AKAP6: variants seen among roughly 807,000 people sequenced by gnomAD.
AKAP6 encodes the protein A-kinase anchoring protein 6.
A neutral mutation model predicts 188.5 loss-of-function variants in AKAP6; 58 were observed. That is an observed-to-expected ratio of 0.31 (90% CI 0.25 to 0.38). The LOEUF is 0.38. AKAP6 is among the 10% of genes least tolerant of loss of function. The pLI is 1.00. For missense variants in AKAP6, 2,710 were observed against 2,740.0 expected, an observed-to-expected ratio of 0.99 and a Z score of 0.24; for synonymous variants, 989 against 998.6, an observed-to-expected ratio of 0.99 and a Z score of 0.18.
intron 5 of AKAP6, among the ~76,000 whole-genome samples, chr14:32,584,150 A>G (rs893548355): frequency 6.6e-6 from 1 of 152,208 alleles, no homozygotes; most frequent in African/African-American, 2.4e-5. Context: ...TTTAAAGTAC[A>G]GTGGTCCCTC....
intron 5 of AKAP6, among the ~76,000 whole-genome samples, chr14:32,596,005 A>G (rs1179949288): frequency 6.6e-6 from 1 of 152,178 alleles, no homozygotes; most frequent in African/African-American, 2.4e-5. Context: ...TTAGACCAGA[A>G]AAGACTCTCT....
intron 11 of AKAP6, 93 bp from the exon 12 acceptor site, chr14:32,773,585 T>C (rs924959744): frequency 4.1e-6 from 5 of 1,229,882 alleles, no homozygotes; most frequent in Admixed American, 4.3e-5. Context: ...AGTGTATCAC[T>C]ACAATTTGAA....
chr14:32,520,423 A>T (rs536044018), intron 2 of AKAP6, among the ~76,000 whole-genome samples: 1 of 152,282 alleles, frequency 6.6e-6, no homozygotes, highest in African/African-American at 2.4e-5. Flanking sequence ...TTTTTTGAAA[A>T]GATCAACAAA....
At position 32,373,791 on chromosome 14, in the gene AKAP6, G is replaced by A. The variant is rs181540048; in HGVS notation, c.-35+44383G>A. On this transcript the variant is annotated intron_variant, in intron 1 of 13. Coordinates refer to ENST00000280979, the MANE Select transcript of AKAP6 (RefSeq NM_004274.5). Reference sequence around the variant, plus strand: ...CTGTCTGTCATAATTTTGCAAAGGCGGTTCCATAAGGTCATTTTTAGCACT... The same window carrying A: ...CTGTCTGTCATAATTTTGCAAAGGCAGTTCCATAAGGTCATTTTTAGCACT... Among the ~76,000 whole-genome samples the A allele has an allele frequency of 2.1e-3, 317 of 152,224 alleles. 1 individual carries two copies. The highest frequency in any genetic ancestry group is 9.1e-3 in the South Asian group (44 of 4,818).
intron 1 of AKAP6, among the ~76,000 whole-genome samples, chr14:32,387,219 T>A (rs556564243): frequency 6.6e-6 from 1 of 152,130 alleles, no homozygotes; most frequent in Admixed American, 6.6e-5. Context: ...TCTAGATAAA[T>A]GATCATATCA....
Position 32,433,665 on chromosome 14 carries a change from C to G in AKAP6, c.172C>G (p.Leu58Val). The change falls in exon 2 of 14, where the codon CTA (leucine) becomes GTA (valine). Residue 58 changes from leucine to valine, a missense_variant. By Grantham distance (32) the Leu-to-Val change is conservative. Coordinates refer to ENST00000280979, the MANE Select transcript of AKAP6 (RefSeq NM_004274.5). ...SDQQYEKPPPLHTGADWKIVL... is the reference protein window; with the variant it reads ...SDQQYEKPPPVHTGADWKIVL... Reference sequence around the variant, plus strand: ...CCAGCAGTATGAAAAGCCACCCCCACTACACACAGGGGCTGACTGGAAGAT... The same window carrying G: ...CCAGCAGTATGAAAAGCCACCCCCAGTACACACAGGGGCTGACTGGAAGAT... The G allele has an allele frequency of 6.2e-7, 1 of 1,614,150 alleles. No homozygotes were observed. The highest frequency in any genetic ancestry group is 8.5e-7 in the Non-Finnish European group (1 of 1,180,018).
chr14:32,689,526 G>A (rs1050770224), intron 8 of AKAP6, among the ~76,000 whole-genome samples: 5 of 152,110 alleles, frequency 3.3e-5, no homozygotes, highest in Non-Finnish European at 7.4e-5. Flanking sequence ...AAGGCAGGCT[G>A]CTTTTCTCAT....
At chr14:32,656,297 T>C (rs1473157828) in intron 7 of AKAP6, among the ~76,000 whole-genome samples, 4 of 152,210 alleles carry the variant, frequency 2.6e-5, no homozygotes, top group Admixed American at 2.6e-4. Context: ...TAATGAAAGC[T>C]GTGTCCCAAC....
intron 2 of AKAP6, among the ~76,000 whole-genome samples, chr14:32,468,505 GT>G (rs1878586396): frequency 6.6e-6 from 1 of 151,306 alleles, no homozygotes; most frequent in African/African-American, 2.4e-5. Context: ...GTTGATTCAA[GT>G]TTAGATCTCT....
intron 1 of AKAP6, among the ~76,000 whole-genome samples, chr14:32,358,761 G>A (rs1306830264): frequency 1.3e-5 from 2 of 152,172 alleles, no homozygotes; most frequent in Non-Finnish European, 2.9e-5. Context: ...TGAGATGTAA[G>A]TCAGATTAAA....
intron 1 of AKAP6, among the ~76,000 whole-genome samples, chr14:32,375,513 A>AAG (rs397963058): frequency 6.6e-6 from 1 of 151,762 alleles, no homozygotes; most frequent in East Asian, 1.9e-4. Context: ...AAAAAAAAAA[A>AAG]GTGGCTAAAG....
intron 7 of AKAP6, among the ~76,000 whole-genome samples, chr14:32,675,441 T>A (rs997756403): frequency 3.3e-5 from 5 of 152,244 alleles, no homozygotes; most frequent in African/African-American, 7.2e-5. Context: ...TAATTTTTTT[T>A]AACCAGAGAT....
chr14:32,587,718 G>A (rs878966662), intron 5 of AKAP6, among the ~76,000 whole-genome samples: 1 of 152,138 alleles, frequency 6.6e-6, no homozygotes, highest in Admixed American at 6.5e-5. Flanking sequence ...TGTTTTGTCT[G>A]TCCTAGTTTC....
intron 2 of AKAP6, among the ~76,000 whole-genome samples, chr14:32,531,428 G>A (rs1882410126): frequency 6.6e-6 from 1 of 152,172 alleles, no homozygotes; most frequent in African/African-American, 2.4e-5. Flanking sequence ...AGAATACGAA[G>A]GCAGTATGTG....
At chr14:32,520,538 A>T (rs1255440661) in intron 2 of AKAP6, among the ~76,000 whole-genome samples, 1 of 152,250 alleles carries the variant, frequency 6.6e-6, no homozygotes, top group Non-Finnish European at 1.5e-5. Flanking sequence ...CCACAGAAAT[A>T]CAAACTACCA....
At chr14:32,615,117 C>T (rs1002906201) in intron 7 of AKAP6, among the ~76,000 whole-genome samples, 3 of 138,966 alleles carry the variant, frequency 2.2e-5, no homozygotes, top group Non-Finnish European at 3.0e-5. Flanking sequence ...TGCAGTGAGC[C>T]GAGATGGTGC....
chr14:32,509,459 G>T (rs921407479), intron 2 of AKAP6, among the ~76,000 whole-genome samples: 1 of 152,078 alleles, frequency 6.6e-6, no homozygotes, highest in Non-Finnish European at 1.5e-5. Context: ...GATGGACACA[G>T]TCTGTTATTA....
At chr14:32,343,340 T>A (rs1425398102) in intron 1 of AKAP6, among the ~76,000 whole-genome samples, 1 of 151,956 alleles carries the variant, frequency 6.6e-6, no homozygotes, top group Non-Finnish European at 1.5e-5. Flanking sequence ...TTATTCAGAA[T>A]GTAAGCAGAG....
At chr14:32,565,266 T>A (rs1272982115) in intron 4 of AKAP6, among the ~76,000 whole-genome samples, 1 of 152,246 alleles carries the variant, frequency 6.6e-6, no homozygotes, top group African/African-American at 2.4e-5. Context: ...CATAATATCA[T>A]ATTCATGATC....
Sources: allele counts gnomAD v4.1 joint callset (sites outside exome capture counted in the v4.1 genomes callset), GRCh38; gene constraint gnomAD v4.1.1; transcripts MANE v1.5; gene names NCBI Gene and HGNC (gene_info 2026-07-23, HGNC 2026-07-21).